The following MCHR2 variants were observed in gnomAD, a reference collection of about 807,000 sequenced individuals.
MCHR2 encodes the protein melanin-concentrating hormone receptor 2.
MCHR2 carries 15 observed loss-of-function variants against 24.8 expected under a neutral mutation model. That is an observed-to-expected ratio of 0.60 (90% CI 0.40 to 0.93). MCHR2 has a LOEUF of 0.93. Among genes scored for constraint, MCHR2 ranks in the 40% least tolerant of loss-of-function variants. MCHR2 has a pLI of 0.00. For missense variants in MCHR2, 386 were observed against 408.7 expected (o/e 0.94, Z 0.48); for synonymous variants, 151 against 147.6 (o/e 1.02, Z -0.17).
intron 4 of MCHR2, among the ~76,000 whole-genome samples, chr6:99,938,168 G>A (rs532033639): frequency 2.0e-5 from 3 of 151,678 alleles, no homozygotes; most frequent in South Asian, 2.1e-4. Context: ...TTTGTTGATC[G>A]TCTGTAGTTT....
At chr6:99,986,227 A>G (rs1457784125) in intron 1 of MCHR2, among the ~76,000 whole-genome samples, 4 of 152,186 alleles carry the variant, frequency 2.6e-5, no homozygotes, top group African/African-American at 9.6e-5. Flanking sequence ...GTTAGTGGAA[A>G]TGTAAATTAG....
intron 1 of MCHR2, among the ~76,000 whole-genome samples, chr6:99,962,556 T>G (rs1253590914): frequency 6.6e-6 from 1 of 152,066 alleles, no homozygotes; most frequent in Non-Finnish European, 1.5e-5. Context: ...TGCAAAGGAA[T>G]GAAATTGGAC....
intron 5 of MCHR2, among the ~76,000 whole-genome samples, chr6:99,930,718 G>C (rs1453531455): frequency 6.6e-6 from 1 of 152,020 alleles, no homozygotes; most frequent in African/African-American, 2.4e-5. Flanking sequence ...CTCTGTATTG[G>C]TTATTCTAGT....
chr6:99,961,581 T>C (rs1401493796), intron 1 of MCHR2, among the ~76,000 whole-genome samples: 2 of 152,106 alleles, frequency 1.3e-5, no homozygotes, highest in Non-Finnish European at 2.9e-5. Flanking sequence ...CTGGAAACCA[T>C]TATTCTCAGC....
chr6:99,932,472 C>A lies in MCHR2; in HGVS notation c.707+1926G>T, dbSNP rs573654000. 2.6e-5 allele frequency among the ~76,000 whole-genome samples: 4 copies of A among 152,206 alleles called. No individual in the cohort carries two copies. The East Asian group carries it at 5.8e-4, about 22-fold the overall frequency. On this transcript the variant is annotated intron_variant, in intron 5 of 5. Coordinates refer to ENST00000281806, the MANE Select transcript of MCHR2 (RefSeq NM_001040179.2). ...ATGTTAGTGACTCATTTCCAAAGAA[C>A]AGAATAGTGAAAGGGATAAATAGTA...
intron 3 of MCHR2, among the ~76,000 whole-genome samples, chr6:99,944,031 G>T (rs1479445836): frequency 6.6e-6 from 1 of 152,190 alleles, no homozygotes. Context: ...GGCTCATGGA[G>T]TTTCAGCTCA....
chr6:99,992,318 A>G (rs1323130190), intron 1 of MCHR2, among the ~76,000 whole-genome samples: 1 of 152,224 alleles, frequency 6.6e-6, no homozygotes, highest in African/African-American at 2.4e-5. Flanking sequence ...CTAGGACTAA[A>G]GTGCTAGGCT....
At chr6:99,964,996 G>C (rs1775266893) in intron 1 of MCHR2, among the ~76,000 whole-genome samples, 1 of 152,070 alleles carries the variant, frequency 6.6e-6, no homozygotes, top group Non-Finnish European at 1.5e-5. Flanking sequence ...GAAAAGCAAA[G>C]AAGTGATAAC....
intron 4 of MCHR2, among the ~76,000 whole-genome samples, chr6:99,941,050 A>C (rs1016704407): frequency 6.6e-6 from 1 of 152,068 alleles, no homozygotes; most frequent in African/African-American, 2.4e-5. Flanking sequence ...CCATAGGTTA[A>C]GGCAGAGACA....
At chr6:99,937,466 T>C (rs1011579566) in intron 4 of MCHR2, among the ~76,000 whole-genome samples, 5 of 152,042 alleles carry the variant, frequency 3.3e-5, no homozygotes, top group Non-Finnish European at 7.4e-5. Context: ...GAAATAATCA[T>C]ATGGTTTTTG....
intron 2 of MCHR2, among the ~76,000 whole-genome samples, chr6:99,950,922 C>T (rs1234777614): frequency 6.6e-6 from 1 of 152,130 alleles, no homozygotes; most frequent in Non-Finnish European, 1.5e-5. Flanking sequence ...AGCCTGTCCT[C>T]AGGCCCCTTT....
At chr6:99,987,493 C>T (rs1477693024) in intron 1 of MCHR2, among the ~76,000 whole-genome samples, 1 of 152,140 alleles carries the variant, frequency 6.6e-6, no homozygotes, top group Non-Finnish European at 1.5e-5. Flanking sequence ...ACATTCCATG[C>T]TCGCTGCCAT....
intron 1 of MCHR2, among the ~76,000 whole-genome samples, chr6:99,961,986 A>G (rs1004110272): frequency 6.6e-6 from 1 of 152,140 alleles, no homozygotes; most frequent in African/African-American, 2.4e-5. Context: ...ATTTTTTCTC[A>G]TGGTATATCA....
At chr6:99,929,808 T>A (rs963325246) in intron 5 of MCHR2, among the ~76,000 whole-genome samples, 8 of 150,996 alleles carry the variant, frequency 5.3e-5, no homozygotes, top group Non-Finnish European at 1.2e-4. Flanking sequence ...CCAGTCTGTG[T>A]CTTTTAATTG....
intron 1 of MCHR2, among the ~76,000 whole-genome samples, chr6:99,985,901 G>A (rs183541681): frequency 5.4e-4 from 82 of 152,200 alleles, no homozygotes; most frequent in Non-Finnish European, 1.1e-3. Context: ...CAGAATAGGC[G>A]AAGATATTTG....
intron 1 of MCHR2, among the ~76,000 whole-genome samples, chr6:99,972,285 C>G (rs950663288): frequency 6.6e-6 from 1 of 152,120 alleles, no homozygotes; most frequent in African/African-American, 2.4e-5. Flanking sequence ...CTGGTTTAGT[C>G]TTGGGAGGGT....
chr6:99,926,142 T>C (rs1328314424), intron 5 of MCHR2, among the ~76,000 whole-genome samples: 1 of 152,176 alleles, frequency 6.6e-6, no homozygotes, highest in Non-Finnish European at 1.5e-5. Context: ...ATTTCATCCA[T>C]GTCCCTATAA....
intron 5 of MCHR2, among the ~76,000 whole-genome samples, chr6:99,932,323 A>G (rs1774563962): frequency 6.6e-6 from 1 of 152,202 alleles, no homozygotes; most frequent in Non-Finnish European, 1.5e-5. Context: ...TAAAATGAGG[A>G]GAGAAGAGCC....
intron 1 of MCHR2, among the ~76,000 whole-genome samples, chr6:99,960,472 A>G (rs1468136521): frequency 1.3e-5 from 2 of 152,164 alleles, no homozygotes; most frequent in African/African-American, 4.8e-5. Context: ...ACAGAATTGG[A>G]AAAAACTACT....
Sources: gnomAD v4.1 joint callset for allele counts (sites outside exome capture counted in the v4.1 genomes callset) on GRCh38, gnomAD v4.1.1 for gene constraint, MANE v1.5 for transcripts, NCBI Gene and HGNC (gene_info 2026-07-23, HGNC 2026-07-21) for gene names.